ZNF595: variants seen among roughly 807,000 people sequenced by gnomAD.
ZNF595 encodes zinc finger protein 595.
Under a neutral mutation model 19.4 loss-of-function variants are expected in ZNF595, and 9 were observed. The observed-to-expected ratio is 0.46, with a 90% CI of 0.28 to 0.81. The LOEUF is 0.81. ZNF595 is among the 30% of genes least tolerant of loss of function. ZNF595 has a pLI of 0.11. For missense variants in ZNF595, 729 were observed against 736.0 expected, an observed-to-expected ratio of 0.99 and a Z score of 0.11; for synonymous variants, 255 against 255.9, an observed-to-expected ratio of 1.00 and a Z score of 0.03.
chr4:73,167 C>A (rs1713500773), intron 3 of ZNF595, among the ~76,000 whole-genome samples: 1 of 151,982 alleles, frequency 6.6e-6, no homozygotes, highest in Non-Finnish European at 1.5e-5. Context: ...GGGGAAAGCA[C>A]CAAGCATAAG....
chr4:83,477 G>A (rs782716636), intron 3 of ZNF595, among the ~76,000 whole-genome samples: 40 of 151,644 alleles, frequency 2.6e-4, no homozygotes, highest in Non-Finnish European at 3.2e-4. Context: ...AAAATTAGCC[G>A]GGCGTGGTGG....
intron 3 of ZNF595, among the ~76,000 whole-genome samples, chr4:69,935 C>T (rs374181760): frequency 6.6e-6 from 1 of 152,136 alleles, no homozygotes; most frequent in East Asian, 1.9e-4. Flanking sequence ...GTGACCCAAA[C>T]GACAGATGAA....
chr4:69,081 G>A (rs1713324560), intron 3 of ZNF595, among the ~76,000 whole-genome samples: 1 of 152,124 alleles, frequency 6.6e-6, no homozygotes. Context: ...CAAATGACAG[G>A]ATCATATTCT....
Position 85,908 on chromosome 4 carries a change from A to G in ZNF595, c.404A>G (p.Gln135Arg). The change falls in exon 4 of 4, where the codon CAG becomes CGG. Residue 135 changes from glutamine to arginine, a missense_variant. Gln to Arg is a conservative substitution (Grantham distance 43). Around this residue, in one of 2 missense-constraint regions of ZNF595, gnomAD observed 729 missense variants for 675.3 expected, o/e 1.08. Transcript: ENST00000610261. ...VQKGVNNGVY[Q>R]CLSTTQSKIF... ...AAAGGAGTTAATAATGGAGTTTACC[A>G]GTGCTTGTCAACTACCCAGAGCAAA... 1 of 1,614,046 alleles carries G rather than the reference A, an allele frequency of 6.2e-7. No individual in the cohort carries two copies.
At chr4:83,642 A>AAAG (rs1553800518) in intron 3 of ZNF595, among the ~76,000 whole-genome samples, 11 of 136,458 alleles carry the variant, frequency 8.1e-5, no homozygotes, top group African/African-American at 2.9e-4. Flanking sequence ...AAAAAAAAAA[A>AAAG]AAAGAAAGAA....
intron 1 of ZNF595, among the ~76,000 whole-genome samples, chr4:57,617 T>C (rs1295858891): frequency 6.6e-6 from 1 of 151,146 alleles, no homozygotes; most frequent in Non-Finnish European, 1.5e-5. Context: ...TCAAGGAACT[T>C]GCATTCTAGA....
At chr4:64,555 A>T (rs1051493900) in intron 3 of ZNF595, among the ~76,000 whole-genome samples, 2,813 of 123,436 alleles carry the variant, frequency 0.023, no homozygotes, top group Middle Eastern at 0.084. Context: ...GGAGTTCCAG[A>T]CTAGCCTGGC....
intron 3 of ZNF595, among the ~76,000 whole-genome samples, chr4:70,723 G>C (rs1213513243): frequency 1.3e-5 from 2 of 152,170 alleles, no homozygotes; most frequent in Middle Eastern, 3.2e-3. Context: ...CTGTTTTACT[G>C]ATCAGTCCCA....
At chr4:72,212 A>T (rs914549234) in intron 3 of ZNF595, among the ~76,000 whole-genome samples, 28 of 152,260 alleles carry the variant, frequency 1.8e-4, no homozygotes, top group African/African-American at 4.6e-4. Context: ...TGTGAATTTT[A>T]AAAAAATCTA....
In ZNF595 at chr4:87,259, T is replaced by G. The variant is rs1553802033; in HGVS notation, c.1755T>G (p.Ile585Met). 1 of 1,594,564 alleles carries G rather than the reference T, an allele frequency of 6.3e-7. No individual in the cohort carries two copies. Residue 585 changes from isoleucine to methionine, a missense_variant, in exon 4 of 4, where the codon ATT becomes ATG. Ile to Met is a conservative substitution (Grantham distance 10). Transcript: ENST00000610261. ...CAACCCTTACTAAACATAAGAGAATTCATACTGGAGAGAAACCCTTCACAT... is the reference window on the plus strand; with the variant it reads ...CAACCCTTACTAAACATAAGAGAATGCATACTGGAGAGAAACCCTTCACAT... ...LSSTLTKHKRIHTGEKPFTCE... is the reference protein window; with the variant it reads ...LSSTLTKHKRMHTGEKPFTCE...
intron 3 of ZNF595, among the ~76,000 whole-genome samples, chr4:81,776 A>G (rs1220639139): frequency 4.6e-5 from 7 of 152,170 alleles, no homozygotes. Context: ...ATGTGAGTTG[A>G]TTCATACAGT....
intron 3 of ZNF595, among the ~76,000 whole-genome samples, chr4:72,326 A>G (rs1553798007): frequency 1.3e-5 from 2 of 152,172 alleles, no homozygotes. Flanking sequence ...TATTTCACAC[A>G]GAATCTCAGG....
intron 3 of ZNF595, among the ~76,000 whole-genome samples, chr4:78,674 C>T (rs1240915568): frequency 3.3e-5 from 5 of 152,166 alleles, no homozygotes; most frequent in African/African-American, 1.2e-4. Context: ...ATGTAAATAT[C>T]TAATTGTGAT....
At chr4:83,260 G>A (rs1170465304) in intron 3 of ZNF595, among the ~76,000 whole-genome samples, 1 of 152,096 alleles carries the variant, frequency 6.6e-6, no homozygotes, top group Non-Finnish European at 1.5e-5. Flanking sequence ...TTTGCATAAA[G>A]TTTTTTCTTT....
intron 3 of ZNF595, among the ~76,000 whole-genome samples, chr4:60,997 A>C (rs1712835657): frequency 6.6e-6 from 1 of 152,140 alleles, no homozygotes; most frequent in South Asian, 2.1e-4. Context: ...AAATACACAA[A>C]CAGTAATGAT....
intron 3 of ZNF595, among the ~76,000 whole-genome samples, chr4:69,966 A>C (rs1713358822): frequency 6.6e-6 from 1 of 152,110 alleles, no homozygotes; most frequent in South Asian, 2.1e-4. Context: ...TGATACACAG[A>C]TATTCTGTTT....
At chr4:71,512 T>C (rs1713431202) in intron 3 of ZNF595, among the ~76,000 whole-genome samples, 1 of 152,162 alleles carries the variant, frequency 6.6e-6, no homozygotes, top group South Asian at 2.1e-4. Context: ...TTCCTGGTCC[T>C]AGGTTTCAGA....
At chr4:73,544 G>A (rs1386477306) in intron 3 of ZNF595, among the ~76,000 whole-genome samples, 1 of 152,214 alleles carries the variant, frequency 6.6e-6, no homozygotes, top group Non-Finnish European at 1.5e-5. Context: ...CATCATCAAA[G>A]TCAATGAAAA....
At chr4:72,883 A>G (rs1022285919) in intron 3 of ZNF595, among the ~76,000 whole-genome samples, 3 of 152,172 alleles carry the variant, frequency 2.0e-5, no homozygotes, top group African/African-American at 7.2e-5. Context: ...CAAAGGATGT[A>G]ATCAGTAGCC....
Sources: gnomAD v4.1 joint callset for allele counts (sites outside exome capture counted in the v4.1 genomes callset) on GRCh38, gnomAD v4.1.1 for gene constraint, gnomAD v4.1.1 regional missense constraint, MANE v1.5 for transcripts, NCBI Gene and HGNC (gene_info 2026-07-23, HGNC 2026-07-21) for gene names.